Variants in ZNF839 observed in about 807,000 individuals in gnomAD.
The protein encoded by ZNF839 is zinc finger protein 839, also known as renal carcinoma antigen NY-REN-50.
In ZNF839, 38 loss-of-function variants were observed where a neutral mutation model predicts 56.4. The ratio of observed to expected loss-of-function variants is 0.67; its 90% CI spans 0.52 to 0.88. ZNF839 has a LOEUF of 0.88. Among genes scored for constraint, ZNF839 ranks in the 40% least tolerant of loss-of-function variants. The pLI, the probability that ZNF839 is intolerant of heterozygous loss-of-function variation, is 0.00. For missense variants in ZNF839, 1,091 were observed against 1,177.6 expected (o/e 0.93, Z 1.08); for synonymous variants, 486 against 493.5 (o/e 0.98, Z 0.20).
At chr14:102,338,063 G>A (rs1886034390) in intron 5 of ZNF839, among the ~76,000 whole-genome samples, 1 of 152,214 alleles carries the variant, frequency 6.6e-6, no homozygotes, top group African/African-American at 2.4e-5. Context: ...AGGCCCCCAA[G>A]CCCATGCCTT....
rs746449194 is a variant in ZNF839 at position 102,326,110 on chromosome 14, C to T, written c.414C>T (p.Ser138=). Residue 138 remains serine, a synonymous_variant, in exon 2 of 8, where the codon TCC becomes TCT. Coordinates refer to ENST00000442396, the MANE Select transcript of ZNF839 (RefSeq NM_018335.6). The surrounding 1 kb of genome is among the most constrained non-coding windows in gnomAD (Gnocchi z 4.3). The stretch of plus-strand genomic sequence containing the variant: ...AGAGCCAGCTGCCCCGGGGGAATTC[C>T]TGCCTGGTGGGGCTCCATATCGCCA... ...ARKSQLPRGN[S]CLVGLHIASP... 1.2e-6 allele frequency: 2 copies of T among 1,613,978 alleles called. No individual in the cohort carries two copies. The highest frequency in any genetic ancestry group is 1.7e-6 in the Non-Finnish European group (2 of 1,179,866).
Position 102,334,832 on chromosome 14 carries a change from T to G in ZNF839, c.1509+186T>G, listed in dbSNP as rs2073945877. The G allele has an allele frequency of 1.2e-5, 3 of 252,216 alleles. No individual in the cohort carries two copies. In the South Asian group the frequency reaches 3.2e-4, roughly 27 times the overall value. The allele number at this position is 252,216 out of a possible 1,614,324, so 15.6% of individuals were successfully genotyped here. ...ATCGTAGCTCACTGCAGCCTCAAAC[T>G]GCTGGTCTCTAGCAATCCTTCCACC... On this transcript the variant is annotated intron_variant, in intron 4 of 7. Transcript: ENST00000442396.
rs763463343 is a variant in ZNF839 at position 102,341,816 on chromosome 14, T to C, written c.2421T>C (p.Asp807=). The C allele has an allele frequency of 4.3e-6, 7 of 1,613,876 alleles. No homozygotes were observed. The South Asian group carries it at 6.6e-5, about 15-fold the overall frequency. Reference sequence around the variant, plus strand: ...CGCTTGAGAAAATTTTGTCTGTGGATAGCGTGGCAGTGGACTGTGCCTACA... The same window carrying C: ...CGCTTGAGAAAATTTTGTCTGTGGACAGCGTGGCAGTGGACTGTGCCTACA... ...APPLEKILSV[D]SVAVDCAYRT... The change falls in exon 8 of 8, where the codon GAT becomes GAC. Residue 807 remains aspartate, a synonymous_variant. Transcript: ENST00000442396.
intron 1 of ZNF839, among the ~76,000 whole-genome samples, chr14:102,322,495 T>A (rs973330782): frequency 6.6e-6 from 1 of 152,232 alleles, no homozygotes; most frequent in Admixed American, 6.5e-5. Context: ...AGAGGATAAA[T>A]ACATTATTAG....
At position 102,326,450 on chromosome 14, in the gene ZNF839, C is replaced by A; in HGVS notation, c.754C>A (p.Arg252=). ...KSLKVKTRSG[R]VSRPPKYKAK... is the part of the protein sequence containing the mutation. The stretch of plus-strand genomic sequence containing the variant: ...GTTAAAAGTAAAGACACGTTCTGGA[C>A]GGGTATCTCGACCTCCCAAATATAA... The change falls in exon 2 of 8, where the codon CGG becomes AGG. Residue 252 remains arginine (R), a synonymous_variant. Coordinates refer to ENST00000442396, the MANE Select transcript of ZNF839 (RefSeq NM_018335.6). The surrounding 1 kb of genome is among the most constrained non-coding windows in gnomAD (Gnocchi z 4.3). 6.2e-7 allele frequency: 1 copy of A among 1,613,918 alleles called. No homozygotes were observed. The highest frequency in any genetic ancestry group is 1.6e-4 in the Middle Eastern group (1 of 6,062).
chr14:102,341,209 C>A, intron 7 of ZNF839, 114 bp from the exon 8 acceptor site: 2 of 1,298,726 alleles, frequency 1.5e-6, no homozygotes, highest in Non-Finnish European at 1.0e-6. Flanking sequence ...AGCATCGATG[C>A]TTTGACTTTT....
chr14:102,326,692 T>G lies in ZNF839; in HGVS notation c.996T>G (p.Phe332Leu). ...GGAAGGGGGGACTGGCCCGACATTT[T>G]AAACTTAACCCAGGCCACGGCCAGT... ...YIGKGGLARH[F>L]KLNPGHGQLD... Residue 332 changes from phenylalanine (F) to leucine (L), a missense_variant, in exon 2 of 8, where the codon TTT becomes TTG. Physicochemically the swap from Phe to Leu is conservative, Grantham distance 22. This residue lies in a region of ZNF839 where 614 missense variants were observed against 629.2 expected (regional missense o/e 0.98). Coordinates refer to ENST00000442396, the MANE Select transcript of ZNF839 (RefSeq NM_018335.6). This position sits in a 1 kb window ranked among gnomAD's most constrained non-coding sequence, Gnocchi z 4.3. The G allele has an allele frequency of 6.2e-7, 1 of 1,612,712 alleles. No individual in the cohort carries two copies. The highest frequency in any genetic ancestry group is 2.2e-5 in the East Asian group (1 of 44,848).
chr14:102,319,452 T>G, upstream of ZNF839: 1 of 234,514 alleles, frequency 4.3e-6, no homozygotes, highest in East Asian at 8.1e-5. This position sits in a 1 kb window ranked among gnomAD's most constrained non-coding sequence, Gnocchi z 4.5. Flanking sequence ...TGTGGTAACT[T>G]TTGGGCCAGG....
intron 3 of ZNF839, 57 bp downstream of exon 3, chr14:102,331,903 A>G (rs952676387): frequency 7.1e-7 from 1 of 1,404,678 alleles, no homozygotes; most frequent in South Asian, 1.3e-5. Context: ...GGATGTGGCA[A>G]TCACTATCAG....
rs1170162161 is a variant in ZNF839 at position 102,331,859 on chromosome 14, TAAACCCTGTGCTTG to T, written c.1416+20_1416+33del. 4 of 1,541,632 alleles carry T rather than the reference TAAACCCTGTGCTTG, an allele frequency of 2.6e-6. No individual in the cohort carries two copies. In the African/African-American group the frequency reaches 5.5e-5, roughly 21 times the overall value. ...CAGGCTCAAGGAGGTACCTCACTCT[TAAACCCTGTGCTTG>T]AAACCCGTGTCTTTAGCATGGATGT... is the stretch of plus-strand genomic sequence containing the variant. On this transcript the variant is annotated intron_variant, in intron 3 of 7. Coordinates refer to ENST00000442396, the MANE Select transcript of ZNF839 (RefSeq NM_018335.6).
In ZNF839 at chr14:102,322,101, C is replaced by G. The variant is rs191089235; in HGVS notation, c.288+2048C>G. On this transcript the variant is annotated intron_variant, in intron 1 of 7. Transcript: ENST00000442396. ...TTTTTCACCTGGCAAAAATTCCCAGCCTTCAAAATGCCCCTCAGAGATCAC... is the reference window on the plus strand; with the variant it reads ...TTTTTCACCTGGCAAAAATTCCCAGGCTTCAAAATGCCCCTCAGAGATCAC... Among the ~76,000 whole-genome samples the G allele has an allele frequency of 3.0e-4, 46 of 152,318 alleles. 1 individual carries two copies. The highest frequency in any genetic ancestry group is 1.0e-3 in the African/African-American group (43 of 41,564).
chr14:102,340,103 G>A (rs919050718), intron 7 of ZNF839, among the ~76,000 whole-genome samples: 20 of 151,512 alleles, frequency 1.3e-4, no homozygotes, highest in Non-Finnish European at 2.4e-4. Flanking sequence ...CTCCCCAGTA[G>A]CTGGGATTAC....
chr14:102,335,593 G>A (rs2073979586), intron 4 of ZNF839, 96 bp from the exon 5 acceptor site: 3 of 1,275,732 alleles, frequency 2.4e-6, no homozygotes, highest in African/African-American at 3.0e-5. Context: ...GCTGCTGAGG[G>A]GTTAAGGAAC....
chr14:102,324,828 T>C (rs1314127114), intron 1 of ZNF839, among the ~76,000 whole-genome samples: 1 of 151,518 alleles, frequency 6.6e-6, no homozygotes, highest in African/African-American at 2.4e-5. Context: ...TACGTGCCTG[T>C]AATCCCAGAT....
At chr14:102,325,061 G>A (rs184179392) in intron 1 of ZNF839, among the ~76,000 whole-genome samples, 1 of 152,214 alleles carries the variant, frequency 6.6e-6, no homozygotes, top group East Asian at 1.9e-4. Context: ...AAAAAGTGAT[G>A]TAGAATAGGG....
At position 102,342,217 on chromosome 14, in the gene ZNF839, CGTGG is replaced by C. The variant is rs1886615505; in HGVS notation, c.*39_*42del. ...TAGAAGCTGTGGAGTCGGTCGTCAC[CGTGG>C]AGCCAGAGCCCTCACAGTGAAGTGG... is the stretch of plus-strand genomic sequence containing the variant. On this transcript the variant is annotated 3_prime_UTR_variant, in exon 8 of 8. Transcript: ENST00000442396. The C allele has an allele frequency of 1.9e-6, 3 of 1,563,426 alleles. No homozygotes were observed. The highest frequency in any genetic ancestry group is 1.8e-5 in the Admixed American group (1 of 54,786).
At chr14:102,317,696 C>G (rs547362025), upstream of ZNF839, 227 of 152,298 alleles carry the variant, frequency 1.5e-3, 1 homozygote, top group African/African-American at 5.2e-3. Context: ...CCGCTGGAGA[C>G]AGTGACCAGC....
chr14:102,321,160 C>A (rs755508314), intron 1 of ZNF839, among the ~76,000 whole-genome samples: 1 of 152,238 alleles, frequency 6.6e-6, no homozygotes, highest in Non-Finnish European at 1.5e-5. Context: ...GGTAAGTCAA[C>A]CTTTTTGGAC....
In ZNF839 at chr14:102,320,056, G is replaced by A. The variant is rs2073040073; in HGVS notation, c.288+3G>A. On this transcript the variant is annotated splice_donor_region_variant and intron_variant, in intron 1 of 7. Coordinates refer to ENST00000442396, the MANE Select transcript of ZNF839 (RefSeq NM_018335.6). ...TGCCGCGCCTGCTCCCGCCCCAGGT[G>A]AGGCGTCGGGAGGGACGTGGGGAAA... The A allele has an allele frequency of 1.7e-6, 2 of 1,182,788 alleles. No individual in the cohort carries two copies. The highest frequency in any genetic ancestry group is 3.2e-5 in the African/African-American group (2 of 62,590). The allele number at this position is 1,182,788 out of a possible 1,614,324, so 73.3% of individuals were successfully genotyped here.
Sources: allele counts gnomAD v4.1 joint callset (sites outside exome capture counted in the v4.1 genomes callset), GRCh38; gene constraint gnomAD v4.1.1; regional missense constraint gnomAD v4.1.1; non-coding constraint Gnocchi (gnomAD v3.1); transcripts MANE v1.5; gene names NCBI Gene and HGNC (gene_info 2026-07-23, HGNC 2026-07-21).